The following MAGEB3 variants were observed in gnomAD, a reference collection of about 807,000 sequenced individuals.
MAGEB3 encodes MAGE family member B3.
For synonymous variants in MAGEB3, 91 were observed against 93.0 expected (o/e 0.98, Z 0.12); for missense variants, 191 against 262.4 (o/e 0.73, Z 1.88).
intron 4 of MAGEB3, among the ~76,000 whole-genome samples, chrX:30,234,879 G>T (rs979535954): frequency 9.0e-6 from 1 of 111,600 alleles, no homozygotes. Context: ...GTTAATGGAG[G>T]GAAGTGTCCC....
intron 4 of MAGEB3, among the ~76,000 whole-genome samples, chrX:30,234,135 C>G (rs1924911251): frequency 9.0e-6 from 1 of 111,221 alleles, no homozygotes; most frequent in African/African-American, 3.3e-5. Flanking sequence ...AGGCTCCAGA[C>G]AAGTGTAGTC....
Position 30,235,931 on chromosome X carries a change from C to T in MAGEB3, c.7C>T (p.Arg3Trp), listed in dbSNP as rs1243412141. The T allele has an allele frequency of 1.0e-5, 12 of 1,193,636 alleles. No individual in the cohort carries two copies. Among genetic ancestry groups the T allele is most frequent in the East Asian group, 3.0e-5 (1 of 33,618 alleles). Reference sequence around the variant, plus strand: ...GTTCCTGACTACAGCCATCATGCCTCGGGGTCAGAAGAGTACGCTCCATGC... The same window carrying T: ...GTTCCTGACTACAGCCATCATGCCTTGGGGTCAGAAGAGTACGCTCCATGC... MPRGQKSTLHARE... is the reference protein window; with the variant it reads MPWGQKSTLHARE... The change falls in exon 5 of 5, where the codon CGG becomes TGG. Residue 3 changes from arginine (R) to tryptophan (W), a missense_variant. Transcript: ENST00000361644.
Position 30,233,268 on chromosome X carries a change from C to T in MAGEB3, c.-157C>T. 1 of 95,659 alleles carries T rather than the reference C, an allele frequency of 1.0e-5. No individual in the cohort carries two copies. The highest frequency in any genetic ancestry group is 3.3e-4 in the East Asian group (1 of 3,076). The allele number at this position is 95,659 out of a possible 1,213,427, so 7.9% of individuals were successfully genotyped here. On this transcript the variant is annotated 5_prime_UTR_variant, in exon 4 of 5. Coordinates refer to ENST00000361644, the MANE Select transcript of MAGEB3 (RefSeq NM_002365.5). ...TTTTTTTTTTAATTTTAAGGCAGGG[C>T]TCTGGCTCACGCTTGTAATCCCAAC...
At chrX:30,231,148 T>C (rs1394538704) in intron 1 of MAGEB3, among the ~76,000 whole-genome samples, 3 of 80,972 alleles carry the variant, frequency 3.7e-5, no homozygotes, top group African/African-American at 9.4e-5. Flanking sequence ...CGAAAACCTG[T>C]CTCTACAAAA....
At chrX:30,235,841 C>G in intron 4 of MAGEB3, 23 bp from the exon 5 acceptor site, 1 of 723,649 alleles carries the variant, frequency 1.4e-6, no homozygotes, top group Non-Finnish European at 2.1e-6. Context: ...CACTCATACC[C>G]TCTCTTTCTC....
At chrX:30,233,941 A>G (rs1924904735) in intron 4 of MAGEB3, among the ~76,000 whole-genome samples, 1 of 112,301 alleles carries the variant, frequency 8.9e-6, no homozygotes, top group African/African-American at 3.2e-5. Flanking sequence ...CTGGACCCTA[A>G]CTGGAGCCAA....
intron 3 of MAGEB3, 28 bp downstream of exon 3, chrX:30,232,944 C>G (rs941398669): frequency 1.9e-5 from 2 of 104,797 alleles, no homozygotes; most frequent in African/African-American, 7.0e-5. Flanking sequence ...TCCCAGCTAC[C>G]CAGGAGGCTG....
intron 2 of MAGEB3, among the ~76,000 whole-genome samples, chrX:30,232,449 G>A (rs1276125623): frequency 2.9e-5 from 2 of 68,117 alleles, no homozygotes; most frequent in Non-Finnish European, 3.0e-5. Context: ...GCGAAAACCT[G>A]TCTCTACAAA....
intron 1 of MAGEB3, among the ~76,000 whole-genome samples, chrX:30,231,195 G>A (rs1924771475): frequency 9.4e-6 from 1 of 106,824 alleles, no homozygotes; most frequent in Non-Finnish European, 1.9e-5. Flanking sequence ...GAGCACCCCT[G>A]TAGTCCCAGC....
Position 30,236,924 on chromosome X carries a change from A to G in MAGEB3, c.1000A>G (p.Lys334Glu), listed in dbSNP as rs377170100. ...TGATGGCAGTAGTGCCATGGGCAGA[A>G]AGTGTTCCAAGGCCAAGGCTAGCAG... ...LNDGSSAMGR[K>E]CSKAKASSSS... Residue 334 changes from lysine (K) to glutamate (E), a missense_variant, in exon 5 of 5, where the codon AAG becomes GAG. Lys to Glu is a moderately conservative substitution (Grantham distance 56). Coordinates refer to ENST00000361644, the MANE Select transcript of MAGEB3 (RefSeq NM_002365.5). 8.3e-7 allele frequency: 1 copy of G among 1,208,381 alleles called. No individual in the cohort carries two copies. Among genetic ancestry groups the G allele is most frequent in the Non-Finnish European group, 1.1e-6 (1 of 894,000 alleles).
At chrX:30,233,192 G>A (rs1415198891) in intron 3 of MAGEB3, 70 bp from the exon 4 acceptor site, 3 of 107,973 alleles carry the variant, frequency 2.8e-5, no homozygotes, top group African/African-American at 6.8e-5. Context: ...GTGACAGAGC[G>A]AGACTCCATC....
rs1391459372 is a variant in MAGEB3 at position 30,230,698 on chromosome X, C to T, written c.-475C>T. 9.0e-6 allele frequency: 1 copy of T among 110,872 alleles called. No homozygotes were observed. The highest frequency in any genetic ancestry group is 1.9e-5 in the Non-Finnish European group (1 of 52,975). The allele number at this position is 110,872 out of a possible 1,213,427, so 9.1% of individuals were successfully genotyped here. A position where few individuals can be genotyped will look rare whatever the true frequency, so the allele number is the denominator to read the frequency against. On this transcript the variant is annotated 5_prime_UTR_variant, in exon 1 of 5. Coordinates refer to ENST00000361644, the MANE Select transcript of MAGEB3 (RefSeq NM_002365.5). ...CTGCCCTCACAGGACCCAAACATCC[C>T]TGGCCTAATGTGGCTCATCAAAACT... is the stretch of plus-strand genomic sequence containing the variant.
intron 4 of MAGEB3, among the ~76,000 whole-genome samples, chrX:30,233,694 G>A (rs1924894266): frequency 9.0e-6 from 1 of 111,125 alleles, no homozygotes; most frequent in African/African-American, 3.3e-5. Flanking sequence ...AGGACCTAGG[G>A]ACCACTGACT....
Position 30,233,339 on chromosome X carries a change from C to T in MAGEB3, c.-86C>T, listed in dbSNP as rs1924872557. ...GCCTCATCGCTTAAGCACAGGAGTTCGAGGACTGGGAGGTGGAGGTTGTGG... is the reference window on the plus strand; with the variant it reads ...GCCTCATCGCTTAAGCACAGGAGTTTGAGGACTGGGAGGTGGAGGTTGTGG... On this transcript the variant is annotated 5_prime_UTR_variant, in exon 4 of 5. It introduces an in-frame stop codon into an upstream open reading frame of the 5' UTR. Transcript: ENST00000361644. 2.4e-5 allele frequency: 2 copies of T among 84,186 alleles called. No individual in the cohort carries two copies. The highest frequency in any genetic ancestry group is 7.2e-4 in the South Asian group (1 of 1,385). 6.9% of individuals were successfully genotyped at this position (84,186 alleles called of 1,213,427 possible).
In MAGEB3 at chrX:30,236,829, C is replaced by T. The variant is rs780602585; in HGVS notation, c.905C>T (p.Ala302Val). The change falls in exon 5 of 5, where the codon GCG becomes GTG. Residue 302 changes from alanine to valine, a missense_variant. Ala to Val is a moderately conservative substitution (Grantham distance 64). Transcript: ENST00000361644. ...AAGGTCAATAAAACTGTCCCCAGTG[C>T]GTTCCAGTTCTGGTATGAAGAGGCT... The part of the protein sequence containing the change: ...WAKVNKTVPS[A>V]FQFWYEEALR... 5.0e-6 allele frequency: 6 copies of T among 1,211,786 alleles called. No homozygotes were observed. The East Asian group carries it at 8.9e-5, about 18-fold the overall frequency.
rs761614262 is a variant in MAGEB3 at position 30,232,899 on chromosome X, G to A, written c.-181G>A. 40 of 108,844 alleles carry A rather than the reference G, an allele frequency of 3.7e-4. No homozygotes were observed. The highest frequency in any genetic ancestry group is 1.2e-3 in the African/African-American group (36 of 29,848). The allele number at this position is 108,844 out of a possible 1,213,427, so 9.0% of individuals were successfully genotyped here. A position where few individuals can be genotyped will look rare whatever the true frequency, so the allele number is the denominator to read the frequency against. ...AGCCAGCCTCATCGCTTAAGCACAG[G>A]AGTTCGCGGACTGGGAGGTGAGCTG... On this transcript the variant is annotated 5_prime_UTR_variant, in exon 3 of 5. Coordinates refer to ENST00000361644, the MANE Select transcript of MAGEB3 (RefSeq NM_002365.5).
At chrX:30,233,621 C>T (rs1382906424) in intron 4 of MAGEB3, among the ~76,000 whole-genome samples, 3 of 106,635 alleles carry the variant, frequency 2.8e-5, no homozygotes, top group Non-Finnish European at 5.8e-5. Flanking sequence ...TGGAGGTTGG[C>T]GGACTTCGCT....
chrX:30,234,986 A>G (rs1303167490), intron 4 of MAGEB3, among the ~76,000 whole-genome samples: 2 of 111,597 alleles, frequency 1.8e-5, no homozygotes, highest in African/African-American at 6.5e-5. Flanking sequence ...CTCTTCTCTC[A>G]GCTCCAGGAA....
rs1002125262 is a variant in MAGEB3 at position 30,236,153 on chromosome X, G to T, written c.229G>T (p.Val77Phe). ...ACTATCCACCACTACATCTGTAGAT[G>T]TTTCTTACAAAAAGTCATACAAGGG... ...RALSTTTSVD[V>F]SYKKSYKGAN... Residue 77 changes from valine to phenylalanine, a missense_variant, in exon 5 of 5, where the codon GTT (valine) becomes TTT (phenylalanine). Transcript: ENST00000361644. The T allele has an allele frequency of 5.8e-6, 7 of 1,207,226 alleles. No homozygotes were observed. In the Middle Eastern group the frequency reaches 6.9e-4, roughly 120 times the overall value.
Sources: gnomAD v4.1 joint callset for allele counts (sites outside exome capture counted in the v4.1 genomes callset) on GRCh38, gnomAD v4.1.1 for gene constraint, MANE v1.5 for transcripts, NCBI Gene and HGNC (gene_info 2026-07-23, HGNC 2026-07-21) for gene names.